The following URGCP variants were observed in gnomAD, a reference collection of about 807,000 sequenced individuals.
URGCP encodes the protein up-regulator of cell proliferation.
In URGCP, 13 loss-of-function variants were observed where a neutral mutation model predicts 24.6. The ratio of observed to expected loss-of-function variants is 0.53; its 90% CI spans 0.34 to 0.84. The LOEUF (loss-of-function observed/expected upper bound fraction) is 0.84, where lower values mean the gene tolerates loss of function less well. Ranked by LOEUF, URGCP falls within the 40% of genes least tolerant of loss-of-function variation. URGCP has a pLI of 0.01. For missense variants in URGCP, 899 were observed against 1,194.3 expected (o/e 0.75, Z 3.64); for synonymous variants, 444 against 487.2 (o/e 0.91, Z 1.17).
At chr7:43,926,714 G>A (rs181422366), upstream of URGCP, among the ~76,000 whole-genome samples, 419 of 152,186 alleles carry the variant, frequency 2.8e-3, 3 homozygotes, top group East Asian at 0.021. Flanking sequence ...AGCCTGAAAA[G>A]CGAACGCAGC....
intron 1 of URGCP, among the ~76,000 whole-genome samples, chr7:43,896,271 C>T (rs2132689309): frequency 6.6e-6 from 1 of 152,096 alleles, no homozygotes; most frequent in African/African-American, 2.4e-5. Context: ...GCCTGACCAA[C>T]GTGGTGAAAC....
intron 1 of URGCP, among the ~76,000 whole-genome samples, chr7:43,914,327 C>T (rs2095913296): frequency 6.6e-6 from 1 of 152,034 alleles, no homozygotes; most frequent in Non-Finnish European, 1.5e-5. Flanking sequence ...CATGGTAAAA[C>T]CGCATCTCTA....
chr7:43,907,282 C>G (rs1408323609), upstream of URGCP, among the ~76,000 whole-genome samples: 1 of 152,048 alleles, frequency 6.6e-6, no homozygotes, highest in African/African-American at 2.4e-5. Context: ...AGTGAAAATG[C>G]TTAATAAAAA....
chr7:43,881,022 C>G, intron 5 of URGCP: 1 of 608,244 alleles, frequency 1.6e-6, no homozygotes, highest in Admixed American at 2.8e-5. Flanking sequence ...ATTAGGGGAC[C>G]TATGAACTTG....
intron 1 of URGCP, among the ~76,000 whole-genome samples, chr7:43,915,726 T>C (rs2095914728): frequency 6.6e-6 from 1 of 152,180 alleles, no homozygotes; most frequent in African/African-American, 2.4e-5. Context: ...AAAAGTTTCT[T>C]GGCCAGGCGC....
intron 5 of URGCP, 90 bp from the exon 6 acceptor site, chr7:43,879,350 G>C: frequency 6.9e-7 from 1 of 1,455,324 alleles, no homozygotes; most frequent in South Asian, 1.4e-5. Context: ...CCAGCAGGAT[G>C]GGGAGAGTGA....
In URGCP at chr7:43,878,096, C is replaced by A. The variant is rs1352811460; in HGVS notation, c.1367G>T (p.Arg456Leu). The change falls in exon 6 of 6, where the codon CGC becomes CTC. Residue 456 changes from arginine to leucine, a missense_variant. Coordinates refer to ENST00000453200, the MANE Select transcript of URGCP (RefSeq NM_001077663.3). The surrounding 1 kb of genome is among the most constrained non-coding windows in gnomAD (Gnocchi z 5.6). ...VSVEDMAHAA[R>L]KLGLKVDEDC... ...CTCGTCGACCTTTAGGCCCAGTTTG[C>A]GGGCTGCGTGCGCCATGTCCTCCAC... The A allele has an allele frequency of 6.2e-7, 1 of 1,614,240 alleles. No homozygotes were observed. The highest frequency in any genetic ancestry group is 8.5e-7 in the Non-Finnish European group (1 of 1,180,046).
At chr7:43,879,981 T>C (rs1185020390) in intron 5 of URGCP, among the ~76,000 whole-genome samples, 1 of 152,094 alleles carries the variant, frequency 6.6e-6, no homozygotes, top group African/African-American at 2.4e-5. Flanking sequence ...TGTAGTGCAG[T>C]GGCATGATTT....
At position 43,898,764 on chromosome 7, in the gene URGCP, AATAAATAAATAAATAAATAAATAAATTT is replaced by A. The variant is rs1397681891; in HGVS notation, c.14+7770_14+7797del. Among the ~76,000 whole-genome samples, 5 of 134,182 alleles carry A rather than the reference AATAAATAAATAAATAAATAAATAAATTT, an allele frequency of 3.7e-5. No homozygotes were observed. The East Asian group carries it at 9.2e-4, about 25-fold the overall frequency. 88.0% of individuals were successfully genotyped at this position (134,182 alleles called of 152,430 possible). A position where few individuals can be genotyped will look rare whatever the true frequency, so the allele number is the denominator to read the frequency against. On this transcript the variant is annotated intron_variant, in intron 1 of 5. Transcript: ENST00000453200. ...TGTCTCAAAAATAAATAAATAAATA[AATAAATAAATAAATAAATAAATAAATTT>A]ATTTTAATTTAAAAGAAATCTATTT...
rs1277958922 is a variant in URGCP at position 43,896,172 on chromosome 7, G to A, written c.15-8356C>T. ...AATTGTGGTTATTAGAGACTGGAAT[G>A]CATGGGAGAGGGGAGGATAGGGAGA... On this transcript the variant is annotated intron_variant, in intron 1 of 5. Transcript: ENST00000453200. 2.0e-5 allele frequency among the ~76,000 whole-genome samples: 3 copies of A among 152,160 alleles called. No homozygotes were observed. The East Asian group carries it at 5.8e-4, about 29-fold the overall frequency.
intron 1 of URGCP, among the ~76,000 whole-genome samples, chr7:43,896,317 G>C (rs577706591): frequency 6.6e-6 from 1 of 152,002 alleles, no homozygotes; most frequent in South Asian, 2.1e-4. Context: ...TTAGCTGGGC[G>C]TGGTGGCACA....
chr7:43,883,341 T>C (rs1238494251), intron 3 of URGCP, among the ~76,000 whole-genome samples: 8 of 103,110 alleles, frequency 7.8e-5, no homozygotes, highest in Admixed American at 3.2e-4. Flanking sequence ...TATATACATA[T>C]ATATATATAT....
chr7:43,897,415 G>A (rs1001666443), intron 1 of URGCP, among the ~76,000 whole-genome samples: 4 of 151,970 alleles, frequency 2.6e-5, no homozygotes, highest in African/African-American at 7.2e-5. Flanking sequence ...GAAGACTGCC[G>A]CAGGCATAGC....
chr7:43,910,707 T>C (rs1238147783), upstream of URGCP: 1 of 151,908 alleles, frequency 6.6e-6, no homozygotes, highest in Admixed American at 6.6e-5. Context: ...ATAAACACAA[T>C]TAGCCAGGTG....
intron 1 of URGCP, chr7:43,889,043 C>A (rs1419727722): frequency 1.3e-5 from 2 of 152,206 alleles, no homozygotes; most frequent in Admixed American, 1.3e-4. Context: ...AATGTGAGCA[C>A]AAACATAAAC....
At chr7:43,914,553 C>CT (rs2132725819) in intron 1 of URGCP, among the ~76,000 whole-genome samples, 1 of 138,862 alleles carries the variant, frequency 7.2e-6, no homozygotes, top group African/African-American at 2.7e-5. Flanking sequence ...GATCTCCTCT[C>CT]TGAGTTCATC....
rs181742999 is a variant in URGCP, at chr7:43,895,185, T to A, written c.15-7369A>T. Among the ~76,000 whole-genome samples, 10 of 151,846 alleles carry A rather than the reference T, an allele frequency of 6.6e-5. No homozygotes were observed. In the East Asian group the frequency reaches 1.9e-3, roughly 29 times the overall value. ...CCAATAAGAACTGATATCTAGAGTA[T>A]ACAAGGAACTCAACTCAATAGCAAA... On this transcript the variant is annotated intron_variant, in intron 1 of 5. Coordinates refer to ENST00000453200, the MANE Select transcript of URGCP (RefSeq NM_001077663.3).
rs1356248287 is a variant in URGCP at position 43,919,239 on chromosome 7, G to A, written c.-116+6893C>T. 3 of 838,764 alleles carry A rather than the reference G, an allele frequency of 3.6e-6. No individual in the cohort carries two copies. The Admixed American group carries it at 5.1e-5, about 14-fold the overall frequency. The allele number at this position is 838,764 out of a possible 1,614,324, so 52.0% of individuals were successfully genotyped here. On this transcript the variant is annotated intron_variant, in intron 1 of 5. Transcript: ENST00000426198. ...CAACCAGGACAAGATGAGCAACGTGGTGGTCCAGCTTTATAATTCACTCCT... is the reference window on the plus strand; with the variant it reads ...CAACCAGGACAAGATGAGCAACGTGATGGTCCAGCTTTATAATTCACTCCT...
chr7:43,911,126 C>T (rs1585835776), upstream of URGCP, among the ~76,000 whole-genome samples: 1 of 152,092 alleles, frequency 6.6e-6, no homozygotes, highest in Admixed American at 6.6e-5. Flanking sequence ...ACCAGCCAGT[C>T]ACGGTAGCTC....
Sources: allele counts gnomAD v4.1 joint callset (sites outside exome capture counted in the v4.1 genomes callset), GRCh38; gene constraint gnomAD v4.1.1; non-coding constraint Gnocchi (gnomAD v3.1); transcripts MANE v1.5; gene names NCBI Gene and HGNC (gene_info 2026-07-23, HGNC 2026-07-21).